Variants in ANO6 observed in about 807,000 individuals in gnomAD.
ANO6 encodes the protein anoctamin 6, also known as anoctamin-6.
Under a neutral mutation model 117.5 loss-of-function variants are expected in ANO6, and 106 were observed. The ratio of observed to expected loss-of-function variants is 0.90; its 90% CI spans 0.77 to 1.06. ANO6 has a LOEUF of 1.06. Ranked by LOEUF, ANO6 falls within the 50% of genes least tolerant of loss-of-function variation. The probability of loss-of-function intolerance (pLI) is 0.00; values close to 1 mark genes in which losing one functional copy is unlikely to be tolerated. For synonymous variants in ANO6, 367 were observed against 385.1 expected (o/e 0.95, Z 0.55); for missense variants, 955 against 1,121.1 (o/e 0.85, Z 2.12).
chr12:45,407,455 T>C (rs1025817269), intron 15 of ANO6, among the ~76,000 whole-genome samples: 2 of 127,268 alleles, frequency 1.6e-5, no homozygotes, highest in African/African-American at 6.1e-5. Flanking sequence ...GTGATGGACA[T>C]GTGTGGTCCT....
chr12:45,305,309 A>G (rs1334906071), intron 2 of ANO6, among the ~76,000 whole-genome samples: 2 of 152,176 alleles, frequency 1.3e-5, no homozygotes, highest in Non-Finnish European at 2.9e-5. Flanking sequence ...AACTGTCCCA[A>G]TCCTGGTTCA....
chr12:45,281,151 C>T (rs1350880016), intron 1 of ANO6, among the ~76,000 whole-genome samples: 1 of 152,140 alleles, frequency 6.6e-6, no homozygotes, highest in African/African-American at 2.4e-5. Context: ...AATATATCTT[C>T]CTCAACCCTA....
intron 10 of ANO6, among the ~76,000 whole-genome samples, chr12:45,387,062 G>A (rs1323472011): frequency 6.6e-6 from 1 of 152,134 alleles, no homozygotes; most frequent in Non-Finnish European, 1.5e-5. Context: ...CTTGAAGCAG[G>A]GACTGTGTCT....
At chr12:45,377,247 A>G (rs952218076) in intron 9 of ANO6, among the ~76,000 whole-genome samples, 2 of 151,154 alleles carry the variant, frequency 1.3e-5, no homozygotes, top group African/African-American at 4.9e-5. Context: ...CATTATCTTT[A>G]TAGTAATTTT....
rs564677035 is a variant in ANO6, at chr12:45,225,761, T to C, written c.70+9370T>C. Among the ~76,000 whole-genome samples, 230 of 152,304 alleles carry C rather than the reference T, an allele frequency of 1.5e-3. 1 individual carries two copies. Among genetic ancestry groups the C allele is most frequent in the African/African-American group, 5.2e-3 (217 of 41,572 alleles). Reference sequence around the variant, plus strand: ...GCCTCGGCCTTCCAAAGTGCTGGGATTACAGGCGTGAGACATTTTTAGATT... The same window carrying C: ...GCCTCGGCCTTCCAAAGTGCTGGGACTACAGGCGTGAGACATTTTTAGATT... On this transcript the variant is annotated intron_variant, in intron 1 of 19. Transcript: ENST00000320560.
intron 1 of ANO6, among the ~76,000 whole-genome samples, chr12:45,219,254 G>A (rs1365567652): frequency 6.6e-6 from 1 of 152,126 alleles, no homozygotes; most frequent in African/African-American, 2.4e-5. Context: ...GTATGTATAT[G>A]GAAATGTGCC....
Position 45,254,798 on chromosome 12 carries a change from A to C in ANO6, c.70+38407A>C, listed in dbSNP as rs369482447. ...TGTTAACAATGAAGTAGAAATATGA[A>C]TTATGGCTAAGTTCCATAAACAGAC... On this transcript the variant is annotated intron_variant, in intron 1 of 19. Transcript: ENST00000320560. 1.8e-4 allele frequency among the ~76,000 whole-genome samples: 27 copies of C among 152,352 alleles called. No homozygotes were observed. The Middle Eastern group carries it at 0.014, about 77-fold the overall frequency.
Position 45,367,678 on chromosome 12 carries a change from C to G in ANO6, c.999-10C>G, listed in dbSNP as rs1452534737. 3 of 1,606,718 alleles carry G rather than the reference C, an allele frequency of 1.9e-6. No individual in the cohort carries two copies. Among genetic ancestry groups the G allele is most frequent in the South Asian group, 1.1e-5 (1 of 90,568 alleles). Reference sequence around the variant, plus strand: ...TTTTTTAAAATTAAGTTTTATTTCTCTCTTTTTAGCAAAGAAGTTTGTCAT... The same window carrying G: ...TTTTTTAAAATTAAGTTTTATTTCTGTCTTTTTAGCAAAGAAGTTTGTCAT... On this transcript the variant is annotated splice_polypyrimidine_tract_variant and intron_variant, in intron 8 of 19. Transcript: ENST00000320560.
At position 45,240,232 on chromosome 12, in the gene ANO6, G is replaced by T. The variant is rs1379555564; in HGVS notation, c.70+23841G>T. Among the ~76,000 whole-genome samples the T allele has an allele frequency of 3.9e-5, 6 of 152,004 alleles. No homozygotes were observed. The East Asian group carries it at 1.2e-3, about 29-fold the overall frequency. On this transcript the variant is annotated intron_variant, in intron 1 of 19. Transcript: ENST00000320560. ...CTGTATTGGGTGCGTATATATTTAAGAGAGTTAGTTCTTCTTGTTGAATTG... is the reference window on the plus strand; with the variant it reads ...CTGTATTGGGTGCGTATATATTTAATAGAGTTAGTTCTTCTTGTTGAATTG...
At chr12:45,225,370 A>G (rs973194569) in intron 1 of ANO6, among the ~76,000 whole-genome samples, 5 of 152,194 alleles carry the variant, frequency 3.3e-5, no homozygotes, top group African/African-American at 1.2e-4. Context: ...CATCTTAACC[A>G]AAAACACTCG....
intron 1 of ANO6, among the ~76,000 whole-genome samples, chr12:45,233,715 C>T (rs1338518419): frequency 6.6e-6 from 1 of 152,116 alleles, no homozygotes; most frequent in Non-Finnish European, 1.5e-5. Flanking sequence ...AGTTGTATAG[C>T]CACCACCCAA....
intron 1 of ANO6, among the ~76,000 whole-genome samples, chr12:45,261,569 G>T (rs973655051): frequency 2.6e-5 from 4 of 152,188 alleles, no homozygotes; most frequent in African/African-American, 9.7e-5. Context: ...GGCAGTCCTG[G>T]CTCTGTTACT....
At chr12:45,415,817 A>G (rs1943198801) in intron 16 of ANO6, among the ~76,000 whole-genome samples, 1 of 152,174 alleles carries the variant, frequency 6.6e-6, no homozygotes, top group Non-Finnish European at 1.5e-5. Context: ...TCTGAGCATG[A>G]GGCCTAATGG....
At chr12:45,258,038 G>A (rs1282813204) in intron 1 of ANO6, among the ~76,000 whole-genome samples, 2 of 151,888 alleles carry the variant, frequency 1.3e-5, no homozygotes, top group Non-Finnish European at 1.5e-5. Context: ...AAACACATGA[G>A]AATAAAGAAA....
At chr12:45,338,058 A>AT (rs1268980990) in intron 3 of ANO6, among the ~76,000 whole-genome samples, 1 of 152,136 alleles carries the variant, frequency 6.6e-6, no homozygotes, top group African/African-American at 2.4e-5. Flanking sequence ...GAGTAATAAA[A>AT]TGATTTATTA....
In ANO6 at chr12:45,439,845, A is replaced by G. The variant is rs930352746; in HGVS notation, c.2697A>G (p.Ser899=). 1.5e-5 allele frequency: 23 copies of G among 1,537,242 alleles called. No homozygotes were observed. The African/African-American group carries it at 3.0e-4, about 20-fold the overall frequency. Residue 899 remains serine, a synonymous_variant, in exon 20 of 20, where the codon TCA becomes TCG. Coordinates refer to the ANO6 transcript ENST00000425752. ...CCCTCTATTATATATTTTCTATTTC[A>G]ATAATATCTATTTTCTTTTCTGTTA...
chr12:45,392,296 G>A (rs1942475653), intron 12 of ANO6, among the ~76,000 whole-genome samples: 1 of 152,230 alleles, frequency 6.6e-6, no homozygotes, highest in Non-Finnish European at 1.5e-5. Flanking sequence ...CCTAGCTAGG[G>A]GAGGGGCGTC....
At chr12:45,324,177 G>A (rs1316544422) in intron 2 of ANO6, among the ~76,000 whole-genome samples, 18 of 151,854 alleles carry the variant, frequency 1.2e-4, no homozygotes, top group East Asian at 3.9e-4. Context: ...CAGGTGATCC[G>A]CCACCTCGAC....
chr12:45,411,357 G>C (rs541799316), intron 16 of ANO6, among the ~76,000 whole-genome samples: 1 of 152,214 alleles, frequency 6.6e-6, no homozygotes, highest in African/African-American at 2.4e-5. Context: ...AGGTTTATTA[G>C]GTTGTTTTCC....
Sources: allele counts gnomAD v4.1 joint callset (sites outside exome capture counted in the v4.1 genomes callset), GRCh38; gene constraint gnomAD v4.1.1; transcripts MANE v1.5; gene names NCBI Gene and HGNC (gene_info 2026-07-23, HGNC 2026-07-21).